The following RASAL1 variants were observed in gnomAD, a reference collection of about 807,000 sequenced individuals.
RASAL1 encodes RAS protein activator like 1.
Under a neutral mutation model 96.6 loss-of-function variants are expected in RASAL1, and 72 were observed. The ratio of observed to expected loss-of-function variants is 0.75; its 90% confidence interval spans 0.62 to 0.91. The LOEUF (loss-of-function observed/expected upper bound fraction) is 0.91, where lower values mean the gene tolerates loss of function less well. RASAL1 is among the 40% of genes least tolerant of loss of function. RASAL1 has a pLI of 0.00. For synonymous variants in RASAL1, 405 were observed against 430.4 expected (o/e 0.94, Z 0.73); for missense variants, 1,016 against 1,072.5 (o/e 0.95, Z 0.74).
chr12:113,135,746 G>T lies in RASAL1; in HGVS notation c.-284C>A. 5.1e-6 allele frequency: 1 copy of T among 194,368 alleles called. No individual in the cohort carries two copies. The highest frequency in any genetic ancestry group is 1.0e-5 in the Non-Finnish European group (1 of 95,482). The allele number at this position is 194,368 out of a possible 1,614,324, so 12.0% of individuals were successfully genotyped here. ...TCTTGCCGAGGCGTCTGGAGCTCCA[G>T]ACAAGCAGGCTGGGCGGGCAGGGGG... On this transcript the variant is annotated 5_prime_UTR_variant, in exon 1 of 21. The change creates a new upstream start codon in the 5' untranslated region. Coordinates refer to ENST00000548055, the MANE Select transcript of RASAL1 (RefSeq NM_001301202.2). The surrounding 1 kb of genome is among the most constrained non-coding windows in gnomAD (Gnocchi z 5.7).
intron 3 of RASAL1, 83 bp downstream of exon 3, chr12:113,127,982 G>A: frequency 6.4e-7 from 1 of 1,557,288 alleles, no homozygotes; most frequent in Non-Finnish European, 8.8e-7. Context: ...ACCCTCGTGG[G>A]CTGTGGACCC....
At position 113,124,895 on chromosome 12, in the gene RASAL1, T is replaced by G. The variant is rs574809918; in HGVS notation, c.298+2917A>C. Reference sequence around the variant, plus strand: ...GTCATGTAGACAAAAAGTAATAAAGTTTAATCCTTACTACATACCTTGTAT... The same window carrying G: ...GTCATGTAGACAAAAAGTAATAAAGGTTAATCCTTACTACATACCTTGTAT... On this transcript the variant is annotated intron_variant, in intron 4 of 20. Transcript: ENST00000548055. Among the ~76,000 whole-genome samples, 33 of 152,346 alleles carry G rather than the reference T, an allele frequency of 2.2e-4. No homozygotes were observed. The South Asian group carries it at 5.2e-3, about 24-fold the overall frequency.
intron 16 of RASAL1, 73 bp downstream of exon 16, chr12:113,105,641 C>G (rs1950616845): frequency 2.7e-6 from 4 of 1,466,806 alleles, no homozygotes; most frequent in East Asian, 2.3e-5. Flanking sequence ...TCAGTTTCCC[C>G]CTGGGTACAA....
rs140623604 is a variant in RASAL1 at position 113,116,005 on chromosome 12, G to A, written c.778C>T (p.Arg260Cys). 2.4e-4 allele frequency: 383 copies of A among 1,609,968 alleles called. No homozygotes were observed. In the African/African-American group the frequency reaches 2.9e-3, roughly 12 times the overall value. The change falls in exon 9 of 21, where the codon CGC (arginine) becomes TGC (cysteine). Residue 260 changes from arginine (R) to cysteine (C), a missense_variant. Arg to Cys is a radical substitution (Grantham distance 180). Coordinates refer to ENST00000548055, the MANE Select transcript of RASAL1 (RefSeq NM_001301202.2). ...LRVKVRLIEDRVLPSQCYQPL... is the reference protein window; with the variant it reads ...LRVKVRLIEDCVLPSQCYQPL... ...TGGTAGCACTGGGAGGGCAGGACGC[G>A]GTCCTCAATCAGGCGTACCTTCACT...
In RASAL1 at chr12:113,107,157, G is replaced by A; in HGVS notation, c.1597C>T (p.Gln533Ter). 1 of 1,613,922 alleles carries A rather than the reference G, an allele frequency of 6.2e-7. No homozygotes were observed. Among genetic ancestry groups the A allele is most frequent in the South Asian group, 1.1e-5 (1 of 91,030 alleles). Residue 533 changes from glutamine (Q) to a stop codon, truncating the protein, a stop_gained, in exon 15 of 21, where the codon CAG becomes TAG. Coordinates refer to ENST00000548055, the MANE Select transcript of RASAL1 (RefSeq NM_001301202.2). LOFTEE classifies it high-confidence loss of function. ...WMAPLHPFLLQCVSRVRDFLD... is the reference protein window; with the variant it reads ...WMAPLHPFLL ...AAGTCTCTCACACGTGAGACACACTGCAGCAGGAAGGGGTGCAGGGGGGCC... is the reference window on the plus strand; with the variant it reads ...AAGTCTCTCACACGTGAGACACACTACAGCAGGAAGGGGTGCAGGGGGGCC...
intron 1 of RASAL1, among the ~76,000 whole-genome samples, chr12:113,133,984 G>T (rs1479791519): frequency 6.6e-6 from 1 of 152,206 alleles, no homozygotes; most frequent in African/African-American, 2.4e-5. Flanking sequence ...CTCACCCAGG[G>T]CTGGTGGAGG....
At chr12:113,114,744 G>C in intron 12 of RASAL1, 56 bp downstream of exon 12, 1 of 1,473,912 alleles carries the variant, frequency 6.8e-7, no homozygotes, top group Non-Finnish European at 9.5e-7. Context: ...CCCAGACAAG[G>C]CTCCGGGTAG....
In RASAL1 at chr12:113,105,864, G is replaced by A; in HGVS notation, c.1680C>T (p.Ala560=). The A allele has an allele frequency of 6.2e-7, 1 of 1,613,664 alleles. No individual in the cohort carries two copies. Among genetic ancestry groups the A allele is most frequent in the Non-Finnish European group, 8.5e-7 (1 of 1,179,872 alleles). ...GAACAATGGCCGAGGGCGGGAACAG[G>A]GCCCTGGCTGGGACACCAGCTTCTA... is the stretch of plus-strand genomic sequence containing the variant. ...GDEEAGVPAR[A]LFPPSAIVRE... is the part of the protein sequence containing the mutation. The change falls in exon 16 of 21, where the codon GCC becomes GCT. Residue 560 remains alanine, a synonymous_variant. Transcript: ENST00000548055.
intron 1 of RASAL1, among the ~76,000 whole-genome samples, chr12:113,134,740 G>A (rs567631141): frequency 1.2e-4 from 19 of 152,144 alleles, no homozygotes; most frequent in Admixed American, 5.2e-4. Flanking sequence ...GAAGGGAGCC[G>A]TAGGGTCCCC....
In RASAL1 at chr12:113,117,079, T is replaced by C; in HGVS notation, c.725A>G (p.Asp242Gly). The change falls in exon 8 of 21, where the codon GAT (aspartate) becomes GGT (glycine). Residue 242 changes from aspartate to glycine, a missense_variant. Physicochemically the swap from Asp to Gly is moderately conservative, Grantham distance 94. Transcript: ENST00000548055. ...RLLPFPRAEE[D>G]SGGNLGALRV... ...CCTCTGCACCCACATTTACCCAGAA[T>C]CCTCCTCGGCTCTGGGAAAGGGCAG... 6.2e-7 allele frequency: 1 copy of C among 1,600,938 alleles called. No homozygotes were observed. Among genetic ancestry groups the C allele is most frequent in the Non-Finnish European group, 8.5e-7 (1 of 1,170,248 alleles).
chr12:113,106,946 G>A, intron 15 of RASAL1, 151 bp downstream of exon 15: 5 of 887,014 alleles, frequency 5.6e-6, no homozygotes, highest in East Asian at 2.7e-5. Flanking sequence ...CATCTCTGGG[G>A]CCTAGCACAG....
chr12:113,130,898 C>T lies in RASAL1; in HGVS notation c.109G>A (p.Glu37Lys), dbSNP rs747228187. Residue 37 changes from glutamate (E) to lysine (K), a missense_variant, in exon 2 of 21, where the codon GAG (glutamate) becomes AAG (lysine). Coordinates refer to ENST00000548055, the MANE Select transcript of RASAL1 (RefSeq NM_001301202.2). This position sits in a 1 kb window ranked among gnomAD's most constrained non-coding sequence, Gnocchi z 5.1. ...GCCACCCCTCACCTGGCCACCACCT[C>T]GTCGTCCACTTTCACTAGGCAGTAG... The part of the protein sequence containing the change: ...DPYCLVKVDD[E>K]VVARTATVWR... The T allele has an allele frequency of 9.9e-6, 16 of 1,613,434 alleles. No homozygotes were observed. The Admixed American group carries it at 1.0e-4, about 10-fold the overall frequency.
chr12:113,120,432 C>G, intron 5 of RASAL1, among the ~76,000 whole-genome samples: 1 of 152,148 alleles, frequency 6.6e-6, no homozygotes, highest in East Asian at 1.9e-4. Flanking sequence ...CCAGCTGAGG[C>G]CAAGGCTGGA....
At chr12:113,111,572 C>T (rs1182846599) in intron 13 of RASAL1, among the ~76,000 whole-genome samples, 1 of 151,872 alleles carries the variant, frequency 6.6e-6, no homozygotes, top group Non-Finnish European at 1.5e-5. Context: ...GTGTTAGCTG[C>T]CATTATTATA....
chr12:113,127,996 T>A lies in RASAL1; in HGVS notation c.236+69A>T, dbSNP rs1807747501. On this transcript the variant is annotated intron_variant, in intron 3 of 20. Transcript: ENST00000548055. Reference sequence around the variant, plus strand: ...CACCCTCGTGGGCTGTGGACCCACATCCCCTCTCCCCTCAGGTGCCCAGGC... The same window carrying A: ...CACCCTCGTGGGCTGTGGACCCACAACCCCTCTCCCCTCAGGTGCCCAGGC... 1.7e-5 allele frequency: 26 copies of A among 1,544,878 alleles called. No homozygotes were observed. The South Asian group carries it at 2.9e-4, about 17-fold the overall frequency.
chr12:113,127,921 C>A lies in RASAL1; in HGVS notation c.237-48G>T, dbSNP rs766531792. 6 of 1,601,828 alleles carry A rather than the reference C, an allele frequency of 3.7e-6. No individual in the cohort carries two copies. The African/African-American group carries it at 8.0e-5, about 21-fold the overall frequency. ...AGGTCTGAGTCAGGGGCCCCTTTGCCCCGCCCCAAGAGAAGTGGGGGCAGG... is the reference window on the plus strand; with the variant it reads ...AGGTCTGAGTCAGGGGCCCCTTTGCACCGCCCCAAGAGAAGTGGGGGCAGG... On this transcript the variant is annotated intron_variant, in intron 3 of 20. Coordinates refer to ENST00000548055, the MANE Select transcript of RASAL1 (RefSeq NM_001301202.2).
chr12:113,119,039 G>A, intron 7 of RASAL1, 89 bp downstream of exon 7: 1 of 1,453,888 alleles, frequency 6.9e-7, no homozygotes, highest in Non-Finnish European at 9.3e-7. Flanking sequence ...CCACCCTTCT[G>A]AGAGCCAGGA....
chr12:113,135,683 G>T lies in RASAL1; in HGVS notation c.-221C>A, dbSNP rs1048636941. The T allele has an allele frequency of 8.5e-6, 4 of 470,766 alleles. No homozygotes were observed. The highest frequency in any genetic ancestry group is 6.0e-5 in the African/African-American group (3 of 50,146). The allele number at this position is 470,766 out of a possible 1,614,324, so 29.2% of individuals were successfully genotyped here. The stretch of plus-strand genomic sequence containing the variant: ...TCCGGACTCTACAGGTAGGAGCCGT[G>T]CTCCGAGCAGGAGGAGCGCGCAGGG... On this transcript the variant is annotated 5_prime_UTR_variant, in exon 1 of 21. Transcript: ENST00000548055. This position sits in a 1 kb window ranked among gnomAD's most constrained non-coding sequence, Gnocchi z 5.7.
rs762955144 is a variant in RASAL1, at chr12:113,128,115, A to G, written c.186T>C (p.Pro62=). 7 of 1,613,976 alleles carry G rather than the reference A, an allele frequency of 4.3e-6. No individual in the cohort carries two copies. The highest frequency in any genetic ancestry group is 5.9e-6 in the Non-Finnish European group (7 of 1,179,978). Residue 62 remains proline, a synonymous_variant, in exon 3 of 21, where the codon CCT becomes CCC. Transcript: ENST00000548055. Reference sequence around the variant, plus strand: ...AGAAGGCCAGCTGGTGGAAATCCAGAGGCAGGTGCACCGTGTACTCCTCCC... The same window carrying G: ...AGAAGGCCAGCTGGTGGAAATCCAGGGGCAGGTGCACCGTGTACTCCTCCC... The part of the protein sequence containing the change: ...FWGEEYTVHL[P]LDFHQLAFYV...
Sources: allele counts gnomAD v4.1 joint callset (sites outside exome capture counted in the v4.1 genomes callset), GRCh38; gene constraint gnomAD v4.1.1; non-coding constraint Gnocchi (gnomAD v3.1); transcripts MANE v1.5; gene names NCBI Gene and HGNC (gene_info 2026-07-23, HGNC 2026-07-21).